HS3ST3A1: variants seen among roughly 807,000 people sequenced by gnomAD.
HS3ST3A1 encodes heparan sulfate glucosamine 3-O-sulfotransferase 3A1.
Under a neutral mutation model 25.7 loss-of-function variants are expected in HS3ST3A1, and 19 were observed. The ratio of observed to expected loss-of-function variants is 0.74; its 90% CI spans 0.52 to 1.08. HS3ST3A1 has a LOEUF of 1.08. HS3ST3A1 is among the 50% of genes least tolerant of loss of function. The probability of loss-of-function intolerance (pLI) is 0.00; values close to 1 mark genes in which losing one functional copy is unlikely to be tolerated. For missense variants in HS3ST3A1, 459 were observed against 594.3 expected (o/e 0.77, Z 2.37); for synonymous variants, 226 against 278.6 (o/e 0.81, Z 1.88).
Position 13,600,903 on chromosome 17 carries a change from C to T in HS3ST3A1, c.227G>A (p.Arg76Lys), listed in dbSNP as rs1463720360. The change falls in exon 1 of 2, where the codon AGG becomes AAG. Residue 76 changes from arginine (R) to lysine (K), a missense_variant. By Grantham distance (26) the Arg-to-Lys change is conservative. Transcript: ENST00000284110. ...PGGGVLAGGP[R>K]ELAVWPAAAQ... Reference sequence around the variant, plus strand: ...CGCCGCCGGCCACACCGCCAGCTCCCTCGGGCCTCCGGCCAGGACGCCGCC... The same window carrying T: ...CGCCGCCGGCCACACCGCCAGCTCCTTCGGGCCTCCGGCCAGGACGCCGCC... The T allele has an allele frequency of 1.2e-5, 18 of 1,515,304 alleles. No homozygotes were observed. Among genetic ancestry groups the T allele is most frequent in the Non-Finnish European group, 1.4e-5 (16 of 1,134,406 alleles). The allele number at this position is 1,515,304 out of a possible 1,614,324, so 93.9% of individuals were successfully genotyped here. A position where few individuals can be genotyped will look rare whatever the true frequency, so the allele number is the denominator to read the frequency against.
At chr17:13,589,682 C>T (rs76798172) in intron 1 of HS3ST3A1, among the ~76,000 whole-genome samples, 26 of 152,180 alleles carry the variant, frequency 1.7e-4, no homozygotes, top group Middle Eastern at 3.2e-3. Flanking sequence ...CACACACACA[C>T]GCACACACAG....
At chr17:13,496,891 G>C (rs1174549305) in intron 1 of HS3ST3A1, 73 bp from the exon 2 acceptor site, 1 of 1,540,610 alleles carries the variant, frequency 6.5e-7, no homozygotes, top group Non-Finnish European at 8.7e-7. Context: ...TCAAGTACAC[G>C]CTGGAGCCAG....
intron 1 of HS3ST3A1, among the ~76,000 whole-genome samples, chr17:13,593,676 T>C (rs951738221): frequency 6.6e-6 from 1 of 152,242 alleles, no homozygotes; most frequent in Non-Finnish European, 1.5e-5. Flanking sequence ...TCAACGCCTG[T>C]TAGGCTTCTC....
chr17:13,539,550 G>A (rs746740776), intron 1 of HS3ST3A1, among the ~76,000 whole-genome samples: 11 of 152,122 alleles, frequency 7.2e-5, no homozygotes, highest in Non-Finnish European at 1.2e-4. Flanking sequence ...TTTGTTATTG[G>A]ATTCTCATTT....
intron 1 of HS3ST3A1, 43 bp from the exon 2 acceptor site, chr17:13,496,861 C>G: frequency 6.3e-7 from 1 of 1,589,246 alleles, no homozygotes; most frequent in African/African-American, 1.3e-5. Flanking sequence ...GCAGAGAGAG[C>G]TCAGTCCCAG....
At chr17:13,505,983 C>T (rs550685465) in intron 1 of HS3ST3A1, among the ~76,000 whole-genome samples, 4 of 146,738 alleles carry the variant, frequency 2.7e-5, no homozygotes, top group Non-Finnish European at 4.5e-5. Context: ...GCCGAGGTCT[C>T]GCCACTGCAC....
rs1908734142 is a variant in HS3ST3A1 at position 13,601,310 on chromosome 17, C to T, written c.-181G>A. 4 of 514,956 alleles carry T rather than the reference C, an allele frequency of 7.8e-6. No homozygotes were observed. The East Asian group carries it at 1.4e-4, about 18-fold the overall frequency. 31.9% of individuals were successfully genotyped at this position (514,956 alleles called of 1,614,324 possible). On this transcript the variant is annotated 5_prime_UTR_variant, in exon 1 of 2. Coordinates refer to ENST00000284110, the MANE Select transcript of HS3ST3A1 (RefSeq NM_006042.3). ...GGGGCTCCGCGGGGAAACGGAATCC[C>T]GGGGGCCCCGCGCAGGATCCCTGCC... is the stretch of plus-strand genomic sequence containing the variant.
chr17:13,531,871 T>A (rs1216105175), intron 1 of HS3ST3A1, among the ~76,000 whole-genome samples: 1 of 152,226 alleles, frequency 6.6e-6, no homozygotes, highest in African/African-American at 2.4e-5. Flanking sequence ...GGAAGTTGTA[T>A]ACCTCACACA....
At chr17:13,505,971 G>A (rs149959971) in intron 1 of HS3ST3A1, among the ~76,000 whole-genome samples, 2,045 of 146,900 alleles carry the variant, frequency 0.014, 39 homozygotes, top group African/African-American at 0.049. Context: ...AGGTTGCAGT[G>A]AGCCGAGGTC....
At chr17:13,591,822 G>A (rs1908434371) in intron 1 of HS3ST3A1, among the ~76,000 whole-genome samples, 1 of 151,902 alleles carries the variant, frequency 6.6e-6, no homozygotes, top group Non-Finnish European at 1.5e-5. Context: ...ACCACATCCG[G>A]CTAATTTTTG....
intron 1 of HS3ST3A1, among the ~76,000 whole-genome samples, chr17:13,551,625 AGG>A (rs753574251): frequency 9.5e-6 from 1 of 105,562 alleles, no homozygotes; most frequent in African/African-American, 3.4e-5. Context: ...GAAAAAAAAA[AGG>A]GGGGGGGGTA....
chr17:13,593,655 G>C (rs1908497293), intron 1 of HS3ST3A1, among the ~76,000 whole-genome samples: 1 of 152,170 alleles, frequency 6.6e-6, no homozygotes, highest in Admixed American at 6.6e-5. Context: ...TTCAGTATGA[G>C]CCCTCATCCT....
At chr17:13,586,871 CAAAAAA>C (rs57580843) in intron 1 of HS3ST3A1, among the ~76,000 whole-genome samples, 1 of 44,730 alleles carries the variant, frequency 2.2e-5, no homozygotes, top group African/African-American at 1.4e-4. Context: ...CTCTGTCTCA[CAAAAAA>C]AAAAAAAAAA....
intron 1 of HS3ST3A1, among the ~76,000 whole-genome samples, chr17:13,551,376 A>T (rs868442611): frequency 5.1e-5 from 4 of 78,802 alleles, no homozygotes; most frequent in African/African-American, 7.8e-5. Flanking sequence ...TAAATAAATA[A>T]ATAAATAAAT....
At chr17:13,537,749 T>C (rs1405932548) in intron 1 of HS3ST3A1, among the ~76,000 whole-genome samples, 1 of 152,234 alleles carries the variant, frequency 6.6e-6, no homozygotes. Flanking sequence ...AAAACTCCTA[T>C]AAAATTTCTA....
At chr17:13,508,755 AG>A (rs1386425688) in intron 1 of HS3ST3A1, among the ~76,000 whole-genome samples, 1 of 152,216 alleles carries the variant, frequency 6.6e-6, no homozygotes, top group Non-Finnish European at 1.5e-5. Context: ...TAATATCCAA[AG>A]AAATAACTTT....
intron 1 of HS3ST3A1, among the ~76,000 whole-genome samples, chr17:13,520,959 G>A (rs2142318388): frequency 6.6e-6 from 1 of 152,298 alleles, no homozygotes; most frequent in Non-Finnish European, 1.5e-5. Context: ...GTGAGAGTTT[G>A]CTCTGACAAC....
At chr17:13,576,983 C>G (rs1189381136) in intron 1 of HS3ST3A1, among the ~76,000 whole-genome samples, 1 of 152,190 alleles carries the variant, frequency 6.6e-6, no homozygotes, top group East Asian at 1.9e-4. Context: ...ACTTACAGTT[C>G]CACATGGCTG....
chr17:13,559,644 T>G (rs1907474527), intron 1 of HS3ST3A1, among the ~76,000 whole-genome samples: 1 of 150,982 alleles, frequency 6.6e-6, no homozygotes, highest in African/African-American at 2.4e-5. Context: ...CTTAGGCAAT[T>G]GATTATCTTT....
Sources: gnomAD v4.1 joint callset for allele counts (sites outside exome capture counted in the v4.1 genomes callset) on GRCh38, gnomAD v4.1.1 for gene constraint, MANE v1.5 for transcripts, NCBI Gene and HGNC (gene_info 2026-07-23, HGNC 2026-07-21) for gene names.